KRR1: variants seen among roughly 807,000 people sequenced by gnomAD.
The protein encoded by KRR1 is KRR1 small subunit processome component.
KRR1 carries 23 observed loss-of-function variants against 50.0 expected under a neutral mutation model. The observed-to-expected ratio is 0.46, with a 90% CI of 0.33 to 0.65. The LOEUF (loss-of-function observed/expected upper bound fraction) is 0.65, where lower values mean the gene tolerates loss of function less well. Among genes scored for constraint, KRR1 ranks in the 30% least tolerant of loss-of-function variants. KRR1 has a pLI of 0.02. For missense variants in KRR1, 419 were observed against 442.4 expected, an observed-to-expected ratio of 0.95 and a Z score of 0.47; for synonymous variants, 133 against 146.3, an observed-to-expected ratio of 0.91 and a Z score of 0.66.
Position 75,499,163 on chromosome 12 carries a change from A to G in KRR1, c.*646T>C. Reference sequence around the variant, plus strand: ...TCAGATAAACTCATCTTTAGTATAAATAAGCATTATTTGCAGGTTGCCACA... The same window carrying G: ...TCAGATAAACTCATCTTTAGTATAAGTAAGCATTATTTGCAGGTTGCCACA... On this transcript the variant is annotated 3_prime_UTR_variant, in exon 10 of 10. Coordinates refer to ENST00000229214, the MANE Select transcript of KRR1 (RefSeq NM_007043.7). 1 of 434,990 alleles carries G rather than the reference A, an allele frequency of 2.3e-6. No individual in the cohort carries two copies. Among genetic ancestry groups the G allele is most frequent in the South Asian group, 4.6e-5 (1 of 21,614 alleles). The allele number at this position is 434,990 out of a possible 1,614,324, so 26.9% of individuals were successfully genotyped here. A position where few individuals can be genotyped will look rare whatever the true frequency, so the allele number is the denominator to read the frequency against.
rs2046359545 is a variant in KRR1, at chr12:75,497,676, C to G, written c.*2133G>C. 6.6e-6 allele frequency: 1 copy of G among 152,128 alleles called. No homozygotes were observed. 9.4% of individuals were successfully genotyped at this position (152,128 alleles called of 1,614,324 possible). A position where few individuals can be genotyped will look rare whatever the true frequency, so the allele number is the denominator to read the frequency against. Reference sequence around the variant, plus strand: ...AGCTTTTATTTAACAGATTCCTTCTCAGACAAATTATGGCAAGCACTGGAG... The same window carrying G: ...AGCTTTTATTTAACAGATTCCTTCTGAGACAAATTATGGCAAGCACTGGAG... On this transcript the variant is annotated 3_prime_UTR_variant, in exon 10 of 10. Coordinates refer to ENST00000229214, the MANE Select transcript of KRR1 (RefSeq NM_007043.7).
rs1199282603 is a variant in KRR1, at chr12:75,506,683, G to A, written c.394-74C>T. 14 of 1,545,464 alleles carry A rather than the reference G, an allele frequency of 9.1e-6. No individual in the cohort carries two copies. In the Admixed American group the frequency reaches 2.0e-4, roughly 22 times the overall value. On this transcript the variant is annotated intron_variant, in intron 3 of 9. Transcript: ENST00000229214. Reference sequence around the variant, plus strand: ...AATTACATTCATTTTCCAGGCCCACGCTATTGTTACCTAAGCACAAATATG... The same window carrying A: ...AATTACATTCATTTTCCAGGCCCACACTATTGTTACCTAAGCACAAATATG...
In KRR1 at chr12:75,498,588, C is replaced by T; in HGVS notation, c.*1221G>A. On this transcript the variant is annotated 3_prime_UTR_variant, in exon 10 of 10. Transcript: ENST00000229214. ...ACTTGGAAAGTCACTGCAATAAAGCCAAAGCAAGTTAATGGTCATAATTAT... is the reference window on the plus strand; with the variant it reads ...ACTTGGAAAGTCACTGCAATAAAGCTAAAGCAAGTTAATGGTCATAATTAT... The T allele has an allele frequency of 1.2e-6, 1 of 859,952 alleles. No individual in the cohort carries two copies. Among genetic ancestry groups the T allele is most frequent in the Non-Finnish European group, 1.9e-6 (1 of 534,758 alleles). 53.3% of individuals were successfully genotyped at this position (859,952 alleles called of 1,614,324 possible).
intron 2 of KRR1, 96 bp from the exon 3 acceptor site, chr12:75,507,012 C>T: frequency 1.0e-6 from 1 of 985,240 alleles, no homozygotes. Flanking sequence ...TTTCTGTCAC[C>T]TCTCAATTCC....
At chr12:75,508,900 A>C (rs886444600) in intron 1 of KRR1, among the ~76,000 whole-genome samples, 2 of 152,214 alleles carry the variant, frequency 1.3e-5, no homozygotes, top group Admixed American at 1.3e-4. Flanking sequence ...AAACTTCTGA[A>C]AGAGAATTCT....
In KRR1 at chr12:75,498,964, G is replaced by T. The variant is rs747895447; in HGVS notation, c.*845C>A. The stretch of plus-strand genomic sequence containing the variant: ...GGTACAGCACAAGTACCCTAATTTA[G>T]TTCTTTTGGACTAATACAATTCAGG... On this transcript the variant is annotated 3_prime_UTR_variant, in exon 10 of 10. Coordinates refer to ENST00000229214, the MANE Select transcript of KRR1 (RefSeq NM_007043.7). The T allele has an allele frequency of 1.3e-6, 2 of 1,593,910 alleles. No homozygotes were observed. Among genetic ancestry groups the T allele is most frequent in the South Asian group, 2.3e-5 (2 of 87,502 alleles).
chr12:75,503,671 A>T (rs2120611403), intron 7 of KRR1: 1 of 344,614 alleles, frequency 2.9e-6, no homozygotes, highest in Admixed American at 4.5e-5. Flanking sequence ...CTACAGGGTC[A>T]CAAACCTCCT....
At chr12:75,507,584 A>G (rs777633349) in intron 2 of KRR1, among the ~76,000 whole-genome samples, 1 of 152,180 alleles carries the variant, frequency 6.6e-6, no homozygotes, top group Non-Finnish European at 1.5e-5. Flanking sequence ...TCCCAGATGC[A>G]GCTACAAAAC....
chr12:75,500,864 C>T (rs998283203), intron 9 of KRR1: 1 of 152,012 alleles, frequency 6.6e-6, no homozygotes, highest in African/African-American at 2.4e-5. Flanking sequence ...TATTGAGTAC[C>T]TTCAAAGCAC....
At position 75,498,961 on chromosome 12, in the gene KRR1, T is replaced by C. The variant is rs2046370764; in HGVS notation, c.*848A>G. The C allele has an allele frequency of 1.3e-6, 2 of 1,598,456 alleles. No homozygotes were observed. The highest frequency in any genetic ancestry group is 1.8e-4 in the Middle Eastern group (1 of 5,644). ...TTTGGTACAGCACAAGTACCCTAAT[T>C]TAGTTCTTTTGGACTAATACAATTC... On this transcript the variant is annotated 3_prime_UTR_variant, in exon 10 of 10. Transcript: ENST00000229214.
At chr12:75,500,895 A>T (rs1423515440) in intron 9 of KRR1, 2 of 152,102 alleles carry the variant, frequency 1.3e-5, no homozygotes, top group Non-Finnish European at 2.9e-5. Flanking sequence ...GGTTTTACAG[A>T]CTGGAAATTA....
intron 8 of KRR1, 21 bp from the exon 9 acceptor site, chr12:75,501,837 T>TAC: frequency 1.3e-6 from 2 of 1,574,014 alleles, no homozygotes; most frequent in Admixed American, 3.5e-5. Flanking sequence ...AAATAAAAAA[T>TAC]ATATCAGTTA....
At position 75,499,469 on chromosome 12, in the gene KRR1, C is replaced by T. The variant is rs1285263769; in HGVS notation, c.*340G>A. 6.0e-6 allele frequency: 1 copy of T among 165,352 alleles called. No individual in the cohort carries two copies. Among genetic ancestry groups the T allele is most frequent in the African/African-American group, 2.4e-5 (1 of 41,810 alleles). The allele number at this position is 165,352 out of a possible 1,614,324, so 10.2% of individuals were successfully genotyped here. A position where few individuals can be genotyped will look rare whatever the true frequency, so the allele number is the denominator to read the frequency against. ...ATGGACTGTTAAAAGTAAAACCAAA[C>T]TTTCAAAAGGGATAAACCTAAATAT... is the stretch of plus-strand genomic sequence containing the variant. On this transcript the variant is annotated 3_prime_UTR_variant, in exon 10 of 10. Coordinates refer to ENST00000229214, the MANE Select transcript of KRR1 (RefSeq NM_007043.7).
rs1001321188 is a variant in KRR1, at chr12:75,492,412, A to G, written c.*7397T>C. 3.9e-5 allele frequency: 6 copies of G among 152,198 alleles called. No homozygotes were observed. Among genetic ancestry groups the G allele is most frequent in the Admixed American group, 2.6e-4 (4 of 15,274 alleles). The allele number at this position is 152,198 out of a possible 1,614,324, so 9.4% of individuals were successfully genotyped here. Reference sequence around the variant, plus strand: ...TGACATTTTTAATGGTTAAGATACAATTAATTTACTGTGTGACCCTGGACA... The same window carrying G: ...TGACATTTTTAATGGTTAAGATACAGTTAATTTACTGTGTGACCCTGGACA... On this transcript the variant is annotated 3_prime_UTR_variant, in exon 10 of 10. Coordinates refer to ENST00000229214, the MANE Select transcript of KRR1 (RefSeq NM_007043.7).
rs759500330 is a variant in KRR1 at position 75,499,003 on chromosome 12, A to G, written c.*806T>C. The G allele has an allele frequency of 6.6e-7, 1 of 1,505,720 alleles. No homozygotes were observed. The highest frequency in any genetic ancestry group is 8.9e-7 in the Non-Finnish European group (1 of 1,126,356). The allele number at this position is 1,505,720 out of a possible 1,614,324, so 93.3% of individuals were successfully genotyped here. ...ATACAATTCAGGAAAGAAAAAACCC[A>G]AAAACCAACCTCATTCACATATGGC... On this transcript the variant is annotated 3_prime_UTR_variant, in exon 10 of 10. Coordinates refer to ENST00000229214, the MANE Select transcript of KRR1 (RefSeq NM_007043.7).
intron 1 of KRR1, among the ~76,000 whole-genome samples, chr12:75,509,724 C>CT (rs2046438174): frequency 6.6e-6 from 1 of 151,460 alleles, no homozygotes. Flanking sequence ...TCACAAGTAG[C>CT]TGGTACTACA....
intron 5 of KRR1, 114 bp from the exon 6 acceptor site, chr12:75,505,368 A>T: frequency 9.6e-7 from 1 of 1,036,546 alleles, no homozygotes; most frequent in Non-Finnish European, 1.4e-6. Flanking sequence ...ATGTAATTAA[A>T]TAATTAAGTA....
Position 75,492,500 on chromosome 12 carries a change from G to A in KRR1, c.*7309C>T, listed in dbSNP as rs989461865. On this transcript the variant is annotated 3_prime_UTR_variant, in exon 10 of 10. Transcript: ENST00000229214. ...AGGGTTACAGGACCCATCACTTAGA[G>A]TAGCTATGAAAGTGACAAGAGAAGG... The A allele has an allele frequency of 6.6e-6, 1 of 152,182 alleles. No homozygotes were observed. The highest frequency in any genetic ancestry group is 1.5e-5 in the Non-Finnish European group (1 of 68,038). The allele number at this position is 152,182 out of a possible 1,614,324, so 9.4% of individuals were successfully genotyped here.
Position 75,506,802 on chromosome 12 carries a change from T to G in KRR1, c.373A>C (p.Arg125=), listed in dbSNP as rs768341589. ...TTTACCTGTTCAAATGAAACACTCC[T>G]TGCTAACAGTTTTATCAGATCTCTG... ...RARDLIKLLA[R]SVSFEQAVRI... The change falls in exon 3 of 10, where the codon AGG becomes CGG. Residue 125 remains arginine, a synonymous_variant. Coordinates refer to ENST00000229214, the MANE Select transcript of KRR1 (RefSeq NM_007043.7). The G allele has an allele frequency of 6.2e-7, 1 of 1,611,448 alleles. No individual in the cohort carries two copies. Among genetic ancestry groups the G allele is most frequent in the East Asian group, 2.2e-5 (1 of 44,842 alleles).
Sources: gnomAD v4.1 joint callset for allele counts (sites outside exome capture counted in the v4.1 genomes callset) on GRCh38, gnomAD v4.1.1 for gene constraint, MANE v1.5 for transcripts, NCBI Gene and HGNC (gene_info 2026-07-23, HGNC 2026-07-21) for gene names.